The following AADAT variants were observed in gnomAD, a reference collection of about 807,000 sequenced individuals.
AADAT encodes the protein kynurenine/alpha-aminoadipate aminotransferase, mitochondrial.
A neutral mutation model predicts 56.2 loss-of-function variants in AADAT; 25 were observed. The ratio of observed to expected loss-of-function variants is 0.44; its 90% confidence interval spans 0.32 to 0.62. AADAT has a LOEUF of 0.62. Ranked by LOEUF, AADAT falls within the 20% of genes least tolerant of loss-of-function variation. The probability of loss-of-function intolerance (pLI) is 0.04; values close to 1 mark genes in which losing one functional copy is unlikely to be tolerated. For synonymous variants in AADAT, 173 were observed against 164.7 expected (o/e 1.05, Z -0.39); for missense variants, 387 against 510.5 (o/e 0.76, Z 2.33).
chr4:170,067,805 GTAAAGT>G (rs1306320959), intron 8 of AADAT, among the ~76,000 whole-genome samples: 1 of 152,112 alleles, frequency 6.6e-6, no homozygotes, highest in Non-Finnish European at 1.5e-5. Flanking sequence ...CAGTAGATGT[GTAAAGT>G]TACATGACAT....
upstream of AADAT, among the ~76,000 whole-genome samples, chr4:170,093,076 C>CT (rs35203832): frequency 4.0e-5 from 6 of 151,834 alleles, no homozygotes; most frequent in South Asian, 2.1e-4. Context: ...GGACTTAAGG[C>CT]TTTTTTTTGA....
chr4:170,069,962 A>G (rs1390137830), intron 6 of AADAT, among the ~76,000 whole-genome samples: 1 of 152,094 alleles, frequency 6.6e-6, no homozygotes, highest in Non-Finnish European at 1.5e-5. Flanking sequence ...TATCAGAAAA[A>G]AGTCATCATG....
chr4:170,085,184 G>C (rs1435746167), intron 3 of AADAT, among the ~76,000 whole-genome samples: 1 of 152,184 alleles, frequency 6.6e-6, no homozygotes. Context: ...TATATTATCA[G>C]TAAGGCTTCT....
chr4:170,071,245 T>TTACAAA (rs1037304054), intron 5 of AADAT, among the ~76,000 whole-genome samples: 3 of 152,094 alleles, frequency 2.0e-5, no homozygotes, highest in Non-Finnish European at 2.9e-5. Flanking sequence ...GGGCAGAGCA[T>TTACAAA]TACAACAGGT....
In AADAT at chr4:170,089,605, T is replaced by C. The variant is rs1298566220; in HGVS notation, c.67+19A>G. ...GGAATGCCCCACCCCAAAGGAGAGA[T>C]GGTCACCCCGTTTCTCACTCATGGT... On this transcript the variant is annotated intron_variant, in intron 1 of 12. Transcript: ENST00000337664. The C allele has an allele frequency of 2.5e-6, 4 of 1,614,010 alleles. No homozygotes were observed. The highest frequency in any genetic ancestry group is 3.4e-6 in the Non-Finnish European group (4 of 1,179,932).
chr4:170,092,082 T>C (rs112071449), upstream of AADAT, among the ~76,000 whole-genome samples: 16,899 of 152,176 alleles, frequency 0.11, 1,088 homozygotes, highest in African/African-American at 0.17. Flanking sequence ...ACAGGCCAAT[T>C]GGCTCTCTGT....
chr4:170,090,213 C>A (rs557042085), upstream of AADAT: 28 of 152,372 alleles, frequency 1.8e-4, no homozygotes, highest in Non-Finnish European at 3.2e-4. Flanking sequence ...AGAGGCTAGC[C>A]CAGGGGCTGA....
Position 170,071,545 on chromosome 4 carries a change from A to G in AADAT, c.655-893T>C, listed in dbSNP as rs1731763217. ...TTACCTAGCTCTGCAAGGCAGATAA[A>G]AGAATTTGGGCTTTATTTTAACTGC... On this transcript the variant is annotated intron_variant, in intron 5 of 12. Coordinates refer to ENST00000337664, the MANE Select transcript of AADAT (RefSeq NM_016228.4). 2.0e-5 allele frequency among the ~76,000 whole-genome samples: 3 copies of G among 152,186 alleles called. No individual in the cohort carries two copies. The South Asian group carries it at 6.2e-4, about 31-fold the overall frequency.
intron 3 of AADAT, among the ~76,000 whole-genome samples, chr4:170,080,732 A>T (rs1424403145): frequency 1.3e-5 from 2 of 152,170 alleles, no homozygotes; most frequent in Non-Finnish European, 2.9e-5. Flanking sequence ...CTAAACCTGG[A>T]CTTAAGGTGC....
chr4:170,068,927 G>T (rs1731618229), intron 7 of AADAT, among the ~76,000 whole-genome samples: 1 of 152,096 alleles, frequency 6.6e-6, no homozygotes, highest in Non-Finnish European at 1.5e-5. Context: ...AAACCTGACT[G>T]GTCCGACTAC....
At chr4:170,078,615 T>A in intron 3 of AADAT, 32 bp from the exon 4 acceptor site, 1 of 1,498,522 alleles carries the variant, frequency 6.7e-7, no homozygotes, top group Non-Finnish European at 9.2e-7. Context: ...AGCTTGTTAG[T>A]CAGCATAGGT....
Position 170,067,323 on chromosome 4 carries a change from A to G in AADAT, c.962+4T>C, listed in dbSNP as rs1304993161. The G allele has an allele frequency of 1.2e-6, 2 of 1,610,800 alleles. No individual in the cohort carries two copies. The highest frequency in any genetic ancestry group is 1.1e-5 in the South Asian group (1 of 90,946). ...CATAAATATTTAAAGAAATGATACA[A>G]TACCTGTCTACATGAGCCATGAAAC... On this transcript the variant is annotated splice_donor_region_variant and intron_variant, in intron 9 of 12. Transcript: ENST00000337664.
chr4:170,072,692 A>G (rs963909827), intron 5 of AADAT, among the ~76,000 whole-genome samples: 4 of 152,200 alleles, frequency 2.6e-5, no homozygotes, highest in Non-Finnish European at 5.9e-5. Context: ...AAATGTTTAT[A>G]GTGAAAAGCT....
chr4:170,067,574 TAAC>T (rs1731531395), intron 8 of AADAT, among the ~76,000 whole-genome samples, 186 bp from the exon 9 acceptor site: 2 of 152,192 alleles, frequency 1.3e-5, no homozygotes. Context: ...CTAGTAAAAA[TAAC>T]AAATATTGAT....
intron 3 of AADAT, 83 bp from the exon 4 acceptor site, chr4:170,078,666 A>G: frequency 1.1e-6 from 1 of 899,372 alleles, no homozygotes; most frequent in Non-Finnish European, 1.7e-6. Flanking sequence ...TTTTAGTTTG[A>G]GCTCACATGG....
rs182789052 is a variant in AADAT, at chr4:170,085,715, A to T, written c.369+1401T>A. ...CAATCACAAATGTTTCTCTTCAAGCAAAGACTCAAACACTAGCTAATTCTT... is the reference window on the plus strand; with the variant it reads ...CAATCACAAATGTTTCTCTTCAAGCTAAGACTCAAACACTAGCTAATTCTT... On this transcript the variant is annotated intron_variant, in intron 3 of 12. Transcript: ENST00000337664. 4.6e-5 allele frequency among the ~76,000 whole-genome samples: 7 copies of T among 152,314 alleles called. No individual in the cohort carries two copies. The East Asian group carries it at 9.7e-4, about 21-fold the overall frequency.
Position 170,088,424 on chromosome 4 carries a change from T to C in AADAT, c.208A>G (p.Arg70Gly). ...TIQFGEEMMK[R>G]ALQYSPSAGI... ...GCACTCGGAGAATACTGAAGTGCTCTCTTCATCATCTCTTCTCCAAATTGG... is the reference window on the plus strand; with the variant it reads ...GCACTCGGAGAATACTGAAGTGCTCCCTTCATCATCTCTTCTCCAAATTGG... Residue 70 changes from arginine (R) to glycine (G), a missense_variant, in exon 2 of 13, where the codon AGA (arginine) becomes GGA (glycine). Arg to Gly is a moderately radical substitution (Grantham distance 125, BLOSUM62 -2). Coordinates refer to ENST00000337664, the MANE Select transcript of AADAT (RefSeq NM_016228.4). The C allele has an allele frequency of 6.2e-7, 1 of 1,610,620 alleles. No individual in the cohort carries two copies. The highest frequency in any genetic ancestry group is 1.3e-5 in the African/African-American group (1 of 75,036).
chr4:170,069,327 A>G (rs1420557293), intron 6 of AADAT, 97 bp from the exon 7 acceptor site: 3 of 888,388 alleles, frequency 3.4e-6, no homozygotes, highest in Admixed American at 2.4e-5. Flanking sequence ...ATGGATTTGG[A>G]TAACAACAGT....
At chr4:170,077,571 C>T (rs550497664) in intron 4 of AADAT, among the ~76,000 whole-genome samples, 7 of 152,260 alleles carry the variant, frequency 4.6e-5, no homozygotes, top group Admixed American at 1.3e-4. Context: ...TAAAAGTCAT[C>T]GCATTGAATT....
Sources: allele counts gnomAD v4.1 joint callset (sites outside exome capture counted in the v4.1 genomes callset), GRCh38; gene constraint gnomAD v4.1.1; transcripts MANE v1.5; gene names NCBI Gene and HGNC (gene_info 2026-07-23, HGNC 2026-07-21).